Variants in DTHD1 observed in about 807,000 individuals in gnomAD.
The protein encoded by DTHD1 is death domain containing 1.
DTHD1 carries 59 observed loss-of-function variants against 74.8 expected under a neutral mutation model. The observed-to-expected ratio is 0.79, with a 90% CI of 0.64 to 0.98. DTHD1 has a LOEUF of 0.98. Among genes scored for constraint, DTHD1 ranks in the 50% least tolerant of loss-of-function variants. The pLI is 0.00. For missense variants in DTHD1, 1,051 were observed against 1,065.4 expected, an observed-to-expected ratio of 0.99 and a Z score of 0.19; for synonymous variants, 365 against 371.1, an observed-to-expected ratio of 0.98 and a Z score of 0.19.
At chr4:36,322,909 G>C (rs191107636) in intron 8 of DTHD1, among the ~76,000 whole-genome samples, 42 of 152,306 alleles carry the variant, frequency 2.8e-4, no homozygotes, top group Non-Finnish European at 5.0e-4. Flanking sequence ...GAAGGGAGTG[G>C]AGAGAATATT....
intron 9 of DTHD1, among the ~76,000 whole-genome samples, chr4:36,340,958 A>G (rs1357162805): frequency 6.6e-6 from 1 of 152,116 alleles, no homozygotes; most frequent in Non-Finnish European, 1.5e-5. Flanking sequence ...AGGGGAGGCC[A>G]GGGGCTCCAA....
chr4:36,291,980 A>C (rs1756109706), intron 3 of DTHD1, among the ~76,000 whole-genome samples: 1 of 152,166 alleles, frequency 6.6e-6, no homozygotes, highest in African/African-American at 2.4e-5. Flanking sequence ...GGCAGGGAAT[A>C]AATGTAAAAA....
chr4:36,282,021 C>A lies in DTHD1; in HGVS notation c.263C>A (p.Ser88Ter). The A allele has an allele frequency of 6.6e-7, 1 of 1,521,430 alleles. No individual in the cohort carries two copies. Among genetic ancestry groups the A allele is most frequent in the South Asian group, 1.3e-5 (1 of 79,268 alleles). The allele number at this position is 1,521,430 out of a possible 1,614,324, so 94.2% of individuals were successfully genotyped here. A position where few individuals can be genotyped will look rare whatever the true frequency, so the allele number is the denominator to read the frequency against. The change falls in exon 1 of 10, where the codon TCG (serine) becomes TAG (stop). Residue 88 changes from serine to a stop codon, truncating the protein, a stop_gained. Coordinates refer to ENST00000639862, the MANE Select transcript of DTHD1 (RefSeq NM_001170700.3). LOFTEE classifies it high-confidence loss of function. Reference protein sequence around the residue: ...VLLDKENQCVSRKEIITFIDC... With the variant: ...VLLDKENQCV ...CTTGACAAAGAGAATCAATGTGTCTCGAGAAAAGGCAAGTATTCTTTTTTT... is the reference window on the plus strand; with the variant it reads ...CTTGACAAAGAGAATCAATGTGTCTAGAGAAAAGGCAAGTATTCTTTTTTT...
intron 8 of DTHD1, among the ~76,000 whole-genome samples, chr4:36,318,612 C>CTTTTTTTTTTTTTT (rs397992934): frequency 2.7e-5 from 3 of 111,804 alleles, no homozygotes; most frequent in African/African-American, 7.0e-5. Context: ...TTTTTCTTTT[C>CTTTTTTTTTTTTTT]TTTTTTTTTT....
chr4:36,293,751 G>A, intron 4 of DTHD1, 46 bp downstream of exon 4: 1 of 1,416,352 alleles, frequency 7.1e-7, no homozygotes, highest in East Asian at 2.6e-5. Context: ...AGATTTTGTG[G>A]GTCATCAAGC....
At chr4:36,317,500 A>G (rs769973205) in intron 8 of DTHD1, among the ~76,000 whole-genome samples, 1 of 152,224 alleles carries the variant, frequency 6.6e-6, no homozygotes, top group Non-Finnish European at 1.5e-5. Context: ...TTGTTTACAT[A>G]GACTACATGG....
At chr4:36,310,788 A>G (rs1421155947) in intron 7 of DTHD1, among the ~76,000 whole-genome samples, 1 of 152,108 alleles carries the variant, frequency 6.6e-6, no homozygotes, top group African/African-American at 2.4e-5. Context: ...ACTGTCACAT[A>G]CAGGATCTCA....
rs188520325 is a variant in DTHD1 at position 36,301,650 on chromosome 4, T to C, written c.1644-4541T>C. On this transcript the variant is annotated intron_variant, in intron 5 of 9. Transcript: ENST00000639862. ...TAAGTAAAATGGATTTGGGTTTCTGTTACCTGTACCCCAAAGAGTCTTAGC... is the reference window on the plus strand; with the variant it reads ...TAAGTAAAATGGATTTGGGTTTCTGCTACCTGTACCCCAAAGAGTCTTAGC... Among the ~76,000 whole-genome samples, 355 of 152,328 alleles carry C rather than the reference T, an allele frequency of 2.3e-3. 1 individual carries two copies. Among genetic ancestry groups the C allele is most frequent in the African/African-American group, 8.1e-3 (336 of 41,576 alleles).
At chr4:36,310,043 G>T (rs985140707) in intron 7 of DTHD1, among the ~76,000 whole-genome samples, 2 of 152,070 alleles carry the variant, frequency 1.3e-5, no homozygotes, top group African/African-American at 4.8e-5. Flanking sequence ...GTTCTTTTTT[G>T]TGGCTGCATG....
intron 8 of DTHD1, among the ~76,000 whole-genome samples, chr4:36,321,400 G>T (rs1758030016): frequency 6.6e-6 from 1 of 152,148 alleles, no homozygotes; most frequent in South Asian, 2.1e-4. Context: ...GGCGGCATTT[G>T]ATCCTTGTAG....
chr4:36,331,902 C>A (rs1190289320), intron 8 of DTHD1, among the ~76,000 whole-genome samples: 1 of 152,168 alleles, frequency 6.6e-6, no homozygotes, highest in Non-Finnish European at 1.5e-5. Flanking sequence ...TTACAGAGGA[C>A]AAACTCGACA....
In DTHD1 at chr4:36,293,630, G is replaced by A; in HGVS notation, c.1323G>A (p.Lys441=). 1.9e-6 allele frequency: 3 copies of A among 1,548,632 alleles called. No individual in the cohort carries two copies. In the South Asian group the frequency reaches 3.6e-5, roughly 18 times the overall value. ...FTVTKKGLAL[K]SSMDSRISLN... Reference sequence around the variant, plus strand: ...TAACAAAGAAAGGCCTCGCTCTTAAGTCAAGCATGGATTCCCGAATATCCT... The same window carrying A: ...TAACAAAGAAAGGCCTCGCTCTTAAATCAAGCATGGATTCCCGAATATCCT... The change falls in exon 4 of 10, where the codon AAG becomes AAA. Residue 441 remains lysine (K), a synonymous_variant. Transcript: ENST00000639862.
At position 36,345,300 on chromosome 4, in the gene DTHD1, T is replaced by C. The variant is rs1482617102; in HGVS notation, c.*1476T>C. The C allele has an allele frequency of 6.6e-6, 1 of 152,194 alleles. No individual in the cohort carries two copies. The highest frequency in any genetic ancestry group is 1.9e-4 in the East Asian group (1 of 5,202). The allele number at this position is 152,194 out of a possible 1,614,324, so 9.4% of individuals were successfully genotyped here. A position where few individuals can be genotyped will look rare whatever the true frequency, so the allele number is the denominator to read the frequency against. ...TTAATGTCTAGTATAAGCTTTGAGTTTTTGGAAAGCCTAACGCCCTTTAGC... is the reference window on the plus strand; with the variant it reads ...TTAATGTCTAGTATAAGCTTTGAGTCTTTGGAAAGCCTAACGCCCTTTAGC... On this transcript the variant is annotated 3_prime_UTR_variant, in exon 10 of 10. Transcript: ENST00000639862.
chr4:36,304,343 C>A (rs1756932198), intron 5 of DTHD1, among the ~76,000 whole-genome samples: 1 of 152,076 alleles, frequency 6.6e-6, no homozygotes, highest in South Asian at 2.1e-4. Flanking sequence ...TGGTTATAAC[C>A]CAACAGCATA....
In DTHD1 at chr4:36,294,868, C is replaced by G; in HGVS notation, c.1472C>G (p.Thr491Arg). The G allele has an allele frequency of 1.3e-6, 2 of 1,551,856 alleles. No homozygotes were observed. Among genetic ancestry groups the G allele is most frequent in the Non-Finnish European group, 1.7e-6 (2 of 1,146,742 alleles). ...QQDTFYSVQS[T>R]SPLIHIQHPS... ...GATACTTTCTACTCAGTCCAATCCA[C>G]AAGCCCTCTGATTCACATTCAGCAC... The change falls in exon 5 of 10, where the codon ACA becomes AGA. Residue 491 changes from threonine (T) to arginine (R), a missense_variant. By Grantham distance (71) the Thr-to-Arg change is moderately conservative. Transcript: ENST00000639862.
At chr4:36,324,011 A>G (rs973275767) in intron 8 of DTHD1, among the ~76,000 whole-genome samples, 1 of 152,122 alleles carries the variant, frequency 6.6e-6, no homozygotes, top group African/African-American at 2.4e-5. Context: ...AATTTTGACC[A>G]TGTCACTAAG....
At chr4:36,317,793 T>A (rs17518487) in intron 8 of DTHD1, among the ~76,000 whole-genome samples, 5,246 of 152,312 alleles carry the variant, frequency 0.034, 147 homozygotes, top group South Asian at 0.13. Context: ...TAGATGGTAC[T>A]AATAGTTGTT....
chr4:36,282,983 G>A (rs1211065588), intron 1 of DTHD1, among the ~76,000 whole-genome samples: 2 of 152,108 alleles, frequency 1.3e-5, no homozygotes, highest in Non-Finnish European at 2.9e-5. Context: ...ATAAAGACAA[G>A]TTCTCAGGTA....
intron 5 of DTHD1, among the ~76,000 whole-genome samples, chr4:36,303,757 C>A (rs1756901564): frequency 6.6e-6 from 1 of 152,186 alleles, no homozygotes; most frequent in South Asian, 2.1e-4. Context: ...TAGCAAAACT[C>A]TCAAATCCCA....
Sources: gnomAD v4.1 joint callset for allele counts (sites outside exome capture counted in the v4.1 genomes callset) on GRCh38, gnomAD v4.1.1 for gene constraint, MANE v1.5 for transcripts, NCBI Gene and HGNC (gene_info 2026-07-23, HGNC 2026-07-21) for gene names.